Variants in TMEM45A observed in about 807,000 individuals in gnomAD.
TMEM45A encodes transmembrane protein 45A, also known as DNA polymerase-transactivated protein 4.
TMEM45A carries 25 observed loss-of-function variants against 32.0 expected under a neutral mutation model. The observed-to-expected ratio is 0.78, with a 90% confidence interval of 0.57 to 1.09. TMEM45A has a LOEUF of 1.09. Among genes scored for constraint, TMEM45A ranks in the 50% least tolerant of loss-of-function variants. The pLI is 0.00. For synonymous variants in TMEM45A, 122 were observed against 114.8 expected (o/e 1.06, Z -0.40); for missense variants, 302 against 325.0 (o/e 0.93, Z 0.54).
intron 1 of TMEM45A, among the ~76,000 whole-genome samples, chr3:100,524,749 A>T (rs1290722484): frequency 6.6e-6 from 1 of 152,136 alleles, no homozygotes; most frequent in Non-Finnish European, 1.5e-5. Flanking sequence ...CCAGTCTTTG[A>T]TGGGTTTCTG....
chr3:100,553,971 A>G (rs1166093692), intron 1 of TMEM45A, among the ~76,000 whole-genome samples: 1 of 152,166 alleles, frequency 6.6e-6, no homozygotes. Flanking sequence ...GTCTGTCCTG[A>G]ACTGAGCAGC....
rs1195344231 is a variant in TMEM45A at position 100,577,062 on chromosome 3, T to C, written c.*44T>C. ...TTTTCTAGATAAACCTTTTCTTTTT[T>C]ACATTGTTCTTGGTTTTGTTTCTCG... On this transcript the variant is annotated 3_prime_UTR_variant, in exon 6 of 6. Coordinates refer to ENST00000323523, the MANE Select transcript of TMEM45A (RefSeq NM_018004.3). The C allele has an allele frequency of 7.1e-7, 1 of 1,405,676 alleles. No individual in the cohort carries two copies. The highest frequency in any genetic ancestry group is 1.2e-5 in the South Asian group (1 of 83,612). The allele number at this position is 1,405,676 out of a possible 1,614,324, so 87.1% of individuals were successfully genotyped here. A position where few individuals can be genotyped will look rare whatever the true frequency, so the allele number is the denominator to read the frequency against.
intron 1 of TMEM45A, among the ~76,000 whole-genome samples, chr3:100,525,358 GA>G (rs1298609628): frequency 2.0e-5 from 3 of 152,146 alleles, no homozygotes; most frequent in African/African-American, 7.2e-5. Flanking sequence ...TGTGGCTACT[GA>G]AAAATTAAAA....
rs1706494380 is a variant in TMEM45A at position 100,568,735 on chromosome 3, T to TTATTTTGAAATG, written c.589-85_589-84insTTTTGAAATGTA. 18 of 1,273,422 alleles carry TTATTTTGAAATG rather than the reference T, an allele frequency of 1.4e-5. No homozygotes were observed. In the Admixed American group the frequency reaches 3.8e-4, roughly 27 times the overall value. The allele number at this position is 1,273,422 out of a possible 1,614,324, so 78.9% of individuals were successfully genotyped here. A position where few individuals can be genotyped will look rare whatever the true frequency, so the allele number is the denominator to read the frequency against. ...AGATAATTGGAGTTAACTTAGTTAT[T>TTATTTTGAAATG]TACCTCGGAAGCAAGTATTTTGAAA... is the stretch of plus-strand genomic sequence containing the variant. On this transcript the variant is annotated intron_variant, in intron 4 of 5. Coordinates refer to ENST00000323523, the MANE Select transcript of TMEM45A (RefSeq NM_018004.3).
intron 1 of TMEM45A, among the ~76,000 whole-genome samples, chr3:100,515,302 A>G (rs1307562031): frequency 6.6e-6 from 1 of 152,096 alleles, no homozygotes; most frequent in East Asian, 1.9e-4. Context: ...GCAGCCATAA[A>G]AAATGATGAG....
At chr3:100,513,482 A>G (rs1708204300) in intron 1 of TMEM45A, among the ~76,000 whole-genome samples, 1 of 150,478 alleles carries the variant, frequency 6.6e-6, no homozygotes, top group Non-Finnish European at 1.5e-5. Flanking sequence ...ATCTCAAAAT[A>G]ATAAGAGCTA....
At chr3:100,534,178 T>C (rs1432469392) in intron 1 of TMEM45A, among the ~76,000 whole-genome samples, 1 of 152,216 alleles carries the variant, frequency 6.6e-6, no homozygotes, top group Non-Finnish European at 1.5e-5. Context: ...TTGTTAGAGA[T>C]CCTCGGTCTG....
intron 5 of TMEM45A, among the ~76,000 whole-genome samples, chr3:100,569,592 A>G (rs62274577): frequency 0.21 from 32,173 of 152,160 alleles, 4,276 homozygotes; most frequent in Middle Eastern, 0.31. Context: ...ATTAAGTACT[A>G]GTTTTGTTGT....
chr3:100,525,085 G>T (rs1291821700), intron 1 of TMEM45A, among the ~76,000 whole-genome samples: 1 of 152,058 alleles, frequency 6.6e-6, no homozygotes, highest in Non-Finnish European at 1.5e-5. Context: ...CTATTTGGGA[G>T]ACTGAGGCAG....
chr3:100,559,972 G>A (rs115390474), intron 4 of TMEM45A, among the ~76,000 whole-genome samples: 3,645 of 152,280 alleles, frequency 0.024, 63 homozygotes, highest in Non-Finnish European at 0.037. Flanking sequence ...GAGTCGAGCT[G>A]AGCCTGCAGG....
rs1553682653 is a variant in TMEM45A at position 100,539,490 on chromosome 3, T to TGTATATGTATATGTATACGTATAC, written c.-3-15714_-3-15713insTGTATATGTATACGTATACGTATA. Among the ~76,000 whole-genome samples, 324 of 72,222 alleles carry TGTATATGTATATGTATACGTATAC rather than the reference T, an allele frequency of 4.5e-3. 3 individuals carry two copies. Among genetic ancestry groups the TGTATATGTATATGTATACGTATAC allele is most frequent in the East Asian group, 9.1e-3 (26 of 2,864 alleles). The allele number at this position is 72,222 out of a possible 152,430, so 47.4% of individuals were successfully genotyped here. On this transcript the variant is annotated intron_variant, in intron 1 of 5. Coordinates refer to ENST00000323523, the MANE Select transcript of TMEM45A (RefSeq NM_018004.3). The stretch of plus-strand genomic sequence containing the variant: ...ATGTATATGTATATGTATATGTATA[T>TGTATATGTATATGTATACGTATAC]GTATACGTATACGTATACGTATACG...
intron 1 of TMEM45A, among the ~76,000 whole-genome samples, chr3:100,510,713 T>C (rs1350388576): frequency 2.0e-5 from 3 of 152,212 alleles, no homozygotes; most frequent in Admixed American, 6.5e-5. Flanking sequence ...TCAAAGAAGT[T>C]GAAAACTTTG....
chr3:100,562,567 A>C (rs1010415251), intron 4 of TMEM45A, among the ~76,000 whole-genome samples: 2 of 152,160 alleles, frequency 1.3e-5, no homozygotes, highest in African/African-American at 4.8e-5. Flanking sequence ...TGCCTAATGG[A>C]GGTGACTTGA....
intron 1 of TMEM45A, among the ~76,000 whole-genome samples, chr3:100,505,636 A>G (rs1396102820): frequency 6.6e-6 from 1 of 152,234 alleles, no homozygotes; most frequent in Non-Finnish European, 1.5e-5. Flanking sequence ...TATTGAGTGC[A>G]AAGAGTTTTA....
intron 1 of TMEM45A, among the ~76,000 whole-genome samples, chr3:100,548,921 G>T: frequency 6.6e-6 from 1 of 152,158 alleles, no homozygotes; most frequent in South Asian, 2.1e-4. Context: ...ACCCTGTGGC[G>T]ATCTCTTTCT....
intron 1 of TMEM45A, among the ~76,000 whole-genome samples, chr3:100,503,823 C>G (rs1425683071): frequency 6.6e-6 from 1 of 152,144 alleles, no homozygotes; most frequent in East Asian, 1.9e-4. Context: ...TTGATAAGCC[C>G]AGAGAGGTTA....
chr3:100,526,705 A>T (rs1705552487), intron 1 of TMEM45A, among the ~76,000 whole-genome samples: 1 of 152,218 alleles, frequency 6.6e-6, no homozygotes, highest in South Asian at 2.1e-4. Context: ...TGCCAAAAAA[A>T]TTCTAGATTT....
chr3:100,545,252 T>C (rs1705960909), intron 1 of TMEM45A, among the ~76,000 whole-genome samples: 1 of 152,200 alleles, frequency 6.6e-6, no homozygotes, highest in Admixed American at 6.5e-5. Flanking sequence ...TTCTAAAAAG[T>C]TTTAAAGTTG....
intron 4 of TMEM45A, among the ~76,000 whole-genome samples, chr3:100,565,553 AAGGATAAT>A (rs1388158055): frequency 1.3e-5 from 2 of 152,300 alleles, no homozygotes; most frequent in African/African-American, 4.8e-5. Flanking sequence ...TCGAGATAAT[AAGGATAAT>A]AATACATTAA....
Sources: allele counts gnomAD v4.1 joint callset (sites outside exome capture counted in the v4.1 genomes callset), GRCh38; gene constraint gnomAD v4.1.1; transcripts MANE v1.5; gene names NCBI Gene and HGNC (gene_info 2026-07-23, HGNC 2026-07-21).